The following GCNA variants were observed in gnomAD, a reference collection of about 807,000 sequenced individuals.
The protein encoded by GCNA is germ cell nuclear acidic protein.
In GCNA, 3 loss-of-function variants were observed where a neutral mutation model predicts 38.8. The ratio of observed to expected loss-of-function variants is 0.08; its 90% CI spans 0.04 to 0.20. The LOEUF is 0.20. GCNA is among the 10% of genes least tolerant of loss of function. The pLI is 1.00. For synonymous variants in GCNA, 195 were observed against 240.2 expected (o/e 0.81, Z 1.74); for missense variants, 446 against 578.6 (o/e 0.77, Z 2.35).
chrX:71,609,053 G>A lies in GCNA; in HGVS notation c.1547G>A (p.Arg516Gln), dbSNP rs148824873. The change falls in exon 10 of 13, where the codon CGA becomes CAA. Residue 516 changes from arginine (R) to glutamine (Q), a missense_variant. Transcript: ENST00000373696. ...SKKYSGKNLK[R>Q]NKDELVQRIY... is the part of the protein sequence containing the mutation. ...AAATACTCTGGAAAAAATTTAAAGCGAAATAAGGATGAATTGGTTCAGAGA... is the reference window on the plus strand; with the variant it reads ...AAATACTCTGGAAAAAATTTAAAGCAAAATAAGGATGAATTGGTTCAGAGA... The A allele has an allele frequency of 7.3e-5, 88 of 1,209,784 alleles. No homozygotes were observed. Among genetic ancestry groups the A allele is most frequent in the Non-Finnish European group, 9.3e-5 (83 of 894,926 alleles).
At chrX:71,612,203 G>A (rs12834376) in intron 11 of GCNA, 152 bp from the exon 12 acceptor site, 5 of 416,414 alleles carry the variant, frequency 1.2e-5, no homozygotes, top group Admixed American at 4.8e-5. Flanking sequence ...ACTTGAAACC[G>A]GGAGGTGGAG....
chrX:71,604,013 G>A lies in GCNA; in HGVS notation c.736G>A (p.Asp246Asn), dbSNP rs767922902. 1 of 1,209,451 alleles carries A rather than the reference G, an allele frequency of 8.3e-7. No individual in the cohort carries two copies. The highest frequency in any genetic ancestry group is 3.0e-5 in the East Asian group (1 of 33,733). ...CAGCAGTGATGATTCGGAAGCTCCC[G>A]ACGACAGCAGTGATGATTCGGAAGC... ...DDSSDDSEAP[D>N]DSSDDSEAPD... The change falls in exon 8 of 13, where the codon GAC becomes AAC. Residue 246 changes from aspartate (D) to asparagine (N), a missense_variant. This residue lies in a region of GCNA where 28 missense variants were observed against 77.0 expected (regional missense o/e 0.36). Coordinates refer to ENST00000373696, the MANE Select transcript of GCNA (RefSeq NM_052957.5).
At chrX:71,589,468 T>C (rs2040609932) in intron 2 of GCNA, among the ~76,000 whole-genome samples, 1 of 66,734 alleles carries the variant, frequency 1.5e-5, no homozygotes, top group Non-Finnish European at 2.7e-5. Context: ...TTTTTTTTTT[T>C]TTTTTTTTTT....
At chrX:71,600,600 T>A (rs889940710) in intron 7 of GCNA, among the ~76,000 whole-genome samples, 1 of 112,168 alleles carries the variant, frequency 8.9e-6, no homozygotes, top group Non-Finnish European at 1.9e-5. Flanking sequence ...ACGAGTTTGG[T>A]TGCTATTTGA....
intron 2 of GCNA, among the ~76,000 whole-genome samples, chrX:71,591,197 T>C (rs967544512): frequency 1.3e-4 from 15 of 111,248 alleles, no homozygotes; most frequent in African/African-American, 4.9e-4. Context: ...TGGATCTGGC[T>C]GACAGTGGAT....
intron 11 of GCNA, 72 bp from the exon 12 acceptor site, chrX:71,612,283 G>GA (rs756270122): frequency 0.14 from 35,717 of 261,391 alleles, 375 homozygotes; most frequent in Admixed American, 0.21. Context: ...CTCAAAAAAG[G>GA]AAAAAAAAAA....
At position 71,580,806 on chromosome X, in the gene GCNA, G is replaced by A; in HGVS notation, c.-2-14G>A. 8.4e-7 allele frequency: 1 copy of A among 1,194,516 alleles called. No individual in the cohort carries two copies. Among genetic ancestry groups the A allele is most frequent in the East Asian group, 3.0e-5 (1 of 33,180 alleles). ...GGCTTTCTTAAGAAAGTGTATCTTTGTCTTTCACTACAGACATGGATGGGT... is the reference window on the plus strand; with the variant it reads ...GGCTTTCTTAAGAAAGTGTATCTTTATCTTTCACTACAGACATGGATGGGT... On this transcript the variant is annotated splice_polypyrimidine_tract_variant and intron_variant, in intron 1 of 12. Transcript: ENST00000373696.
Position 71,597,836 on chromosome X carries a change from T to A in GCNA, c.222-114T>A. The A allele has an allele frequency of 5.8e-6, 3 of 519,794 alleles. No homozygotes were observed. The South Asian group carries it at 9.4e-5, about 16-fold the overall frequency. The allele number at this position is 519,794 out of a possible 1,213,427, so 42.8% of individuals were successfully genotyped here. ...CCAAAGGAGGGGAACAGAGTTACTG[T>A]GGGAAACAAAAAATTGACAAGTGGT... On this transcript the variant is annotated intron_variant, in intron 6 of 12. Coordinates refer to ENST00000373696, the MANE Select transcript of GCNA (RefSeq NM_052957.5).
At chrX:71,601,842 G>T (rs748480005) in intron 7 of GCNA, among the ~76,000 whole-genome samples, 2 of 112,322 alleles carry the variant, frequency 1.8e-5, no homozygotes. Context: ...CACCGTGCCC[G>T]ACCTCCATTC....
chrX:71,590,133 T>C (rs1025509367), intron 2 of GCNA, among the ~76,000 whole-genome samples: 1 of 112,006 alleles, frequency 8.9e-6, no homozygotes, highest in African/African-American at 3.2e-5. Context: ...CTTGTTCCCC[T>C]GGTGGTGAAT....
chrX:71,589,638 T>C (rs2040611950), intron 2 of GCNA, among the ~76,000 whole-genome samples: 1 of 107,408 alleles, frequency 9.3e-6, no homozygotes, highest in African/African-American at 3.4e-5. Context: ...CTAAGTTTTG[T>C]ATTTTTTAGT....
Position 71,603,692 on chromosome X carries a change from C to T in GCNA, c.415C>T (p.Pro139Ser). Residue 139 changes from proline to serine, a missense_variant, in exon 8 of 13, where the codon CCC becomes TCC. Physicochemically the swap from Pro to Ser is moderately conservative, Grantham distance 74. This residue lies in a region of GCNA where 118 missense variants were observed against 122.8 expected (regional missense o/e 0.96). Coordinates refer to ENST00000373696, the MANE Select transcript of GCNA (RefSeq NM_052957.5). ...TGACAACGGTAATGATTTGGAAGTT[C>T]CCGACGACAACAGTGATGATTCAGA... ...DDDNGNDLEV[P>S]DDNSDDSEAP... is the part of the protein sequence containing the mutation. 1 of 1,211,698 alleles carries T rather than the reference C, an allele frequency of 8.3e-7. No homozygotes were observed. The highest frequency in any genetic ancestry group is 1.1e-6 in the Non-Finnish European group (1 of 895,548).
intron 7 of GCNA, among the ~76,000 whole-genome samples, chrX:71,601,917 T>C (rs975024722): frequency 2.7e-5 from 3 of 112,467 alleles, no homozygotes; most frequent in African/African-American, 9.7e-5. Context: ...ACAACAAACA[T>C]AGGAGTGCAG....
chrX:71,598,239 G>T (rs2040687104), intron 7 of GCNA, among the ~76,000 whole-genome samples: 1 of 111,720 alleles, frequency 9.0e-6, no homozygotes, highest in African/African-American at 3.3e-5. Context: ...AGCAGCAACT[G>T]TTGTTGCTGC....
At position 71,613,100 on chromosome X, in the gene GCNA, TAAG is replaced by T; in HGVS notation, c.*119_*121del. On this transcript the variant is annotated 3_prime_UTR_variant, in exon 13 of 13. Transcript: ENST00000373696. ...GAATTACAAGGCAATGAAGAATTCT[TAAG>T]GTTATCTTAGAGTATATTAATGTGA... The T allele has an allele frequency of 4.1e-6, 4 of 982,547 alleles. No individual in the cohort carries two copies. The South Asian group carries it at 9.2e-5, about 23-fold the overall frequency. The allele number at this position is 982,547 out of a possible 1,213,427, so 81.0% of individuals were successfully genotyped here.
Position 71,603,785 on chromosome X carries a change from G to C in GCNA, c.508G>C (p.Asp170His). 1.7e-6 allele frequency: 2 copies of C among 1,210,388 alleles called. No individual in the cohort carries two copies. Among genetic ancestry groups the C allele is most frequent in the Non-Finnish European group, 2.2e-6 (2 of 895,198 alleles). ...DDNSDDSEAPDDNSDDSEAPD... is the reference protein window; with the variant it reads ...DDNSDDSEAPHDNSDDSEAPD... ...CAACAGTGATGATTCGGAAGCTCCC[G>C]ACGACAACAGTGATGATTCGGAAGC... is the stretch of plus-strand genomic sequence containing the variant. Residue 170 changes from aspartate (D) to histidine (H), a missense_variant, in exon 8 of 13, where the codon GAC (aspartate) becomes CAC (histidine). Physicochemically the swap from Asp to His is moderately conservative, Grantham distance 81. Around this residue, in one of 7 missense-constraint regions of GCNA, gnomAD observed 118 missense variants for 122.8 expected, o/e 0.96. Transcript: ENST00000373696.
At chrX:71,608,529 C>T (rs2040785866) in intron 9 of GCNA, among the ~76,000 whole-genome samples, 1 of 112,587 alleles carries the variant, frequency 8.9e-6, no homozygotes, top group Non-Finnish European at 1.9e-5. Context: ...GCCTCGGCCT[C>T]CCAAAGTGTT....
intron 9 of GCNA, 64 bp from the exon 10 acceptor site, chrX:71,608,909 G>T (rs2040788800): frequency 8.6e-7 from 1 of 1,159,219 alleles, no homozygotes; most frequent in Non-Finnish European, 1.2e-6. Context: ...TTGACGAGAC[G>T]CTTAGGTGTG....
chrX:71,588,581 C>A (rs942153436), intron 2 of GCNA, among the ~76,000 whole-genome samples: 2 of 111,936 alleles, frequency 1.8e-5, no homozygotes, highest in Non-Finnish European at 3.8e-5. Context: ...AATCCCAGTA[C>A]TTTGGGAGGC....
Sources: allele counts gnomAD v4.1 joint callset (sites outside exome capture counted in the v4.1 genomes callset), GRCh38; gene constraint gnomAD v4.1.1; regional missense constraint gnomAD v4.1.1; transcripts MANE v1.5; gene names NCBI Gene and HGNC (gene_info 2026-07-23, HGNC 2026-07-21).